RBFOX1: variants seen among roughly 807,000 people sequenced by gnomAD.
The protein encoded by RBFOX1 is RNA binding protein fox-1 homolog 1.
In RBFOX1, 8 loss-of-function variants were observed where a neutral mutation model predicts 57.7. The ratio of observed to expected loss-of-function variants is 0.14; its 90% CI spans 0.08 to 0.25. The LOEUF (loss-of-function observed/expected upper bound fraction) is 0.25, where lower values mean the gene tolerates loss of function less well. Ranked by LOEUF, RBFOX1 falls within the 10% of genes least tolerant of loss-of-function variation. The probability of loss-of-function intolerance (pLI) is 1.00; values close to 1 mark genes in which losing one functional copy is unlikely to be tolerated. For synonymous variants in RBFOX1, 326 were observed against 222.4 expected, an observed-to-expected ratio of 1.47 and a Z score of -4.15; for missense variants, 611 against 548.5, an observed-to-expected ratio of 1.11 and a Z score of -1.14.
intron 4 of RBFOX1, among the ~76,000 whole-genome samples, chr16:7,277,997 C>T (rs2095473202): frequency 6.6e-6 from 1 of 150,540 alleles, no homozygotes; most frequent in African/African-American, 2.4e-5. Context: ...TGAAAAGAGG[C>T]AAGAATTCTG....
intron 1 of RBFOX1, among the ~76,000 whole-genome samples, chr16:6,104,775 C>T (rs1347385338): frequency 6.6e-6 from 1 of 152,114 alleles, no homozygotes; most frequent in African/African-American, 2.4e-5. Context: ...GAAGCTACAC[C>T]ACATAGATGA....
chr16:7,355,604 G>C (rs1397464340), intron 4 of RBFOX1, among the ~76,000 whole-genome samples: 2 of 152,038 alleles, frequency 1.3e-5, no homozygotes, highest in Non-Finnish European at 2.9e-5. Flanking sequence ...AGCATGTTTT[G>C]GCCATCTCCC....
chr16:5,279,836 TC>T (rs1219225954), intron 1 of RBFOX1, among the ~76,000 whole-genome samples: 1 of 152,000 alleles, frequency 6.6e-6, no homozygotes, highest in Non-Finnish European at 1.5e-5. Flanking sequence ...TTTGGTGGAG[TC>T]TTTGGGTTTT....
chr16:6,929,351 C>G (rs1449804369), intron 3 of RBFOX1, among the ~76,000 whole-genome samples: 6 of 152,096 alleles, frequency 3.9e-5, no homozygotes, highest in Non-Finnish European at 8.8e-5. Flanking sequence ...TGAATATAGG[C>G]AAGGTTAGAA....
chr16:5,891,501 C>T (rs369515281), intron 4 of RBFOX1, among the ~76,000 whole-genome samples: 2 of 152,188 alleles, frequency 1.3e-5, no homozygotes, highest in South Asian at 4.1e-4. Context: ...TTGTTTCAGT[C>T]AGAGTATTTG....
intron 3 of RBFOX1, among the ~76,000 whole-genome samples, chr16:5,666,235 A>C (rs907456819): frequency 2.0e-5 from 3 of 152,228 alleles, no homozygotes; most frequent in Non-Finnish European, 4.4e-5. Flanking sequence ...CATCTGGTCC[A>C]GTTCCCAGTG....
chr16:6,140,646 C>T (rs545163257), intron 1 of RBFOX1, among the ~76,000 whole-genome samples: 1 of 152,296 alleles, frequency 6.6e-6, no homozygotes, highest in South Asian at 2.1e-4. Flanking sequence ...ATCCCAACTC[C>T]TTCCCTCCTG....
At chr16:6,515,113 A>G (rs892292649) in intron 2 of RBFOX1, among the ~76,000 whole-genome samples, 1 of 152,186 alleles carries the variant, frequency 6.6e-6, no homozygotes, top group East Asian at 1.9e-4. Context: ...AAATGGGTGT[A>G]TATTACAGGT....
intron 3 of RBFOX1, among the ~76,000 whole-genome samples, chr16:5,668,916 ACTCAGG>A (rs1359704705): frequency 1.9e-4 from 29 of 152,158 alleles, no homozygotes; most frequent in Admixed American, 1.0e-3. Flanking sequence ...GGAGATGGAT[ACTCAGG>A]CTTTGGTTAG....
At chr16:7,166,198 G>T (rs1418562637) in intron 4 of RBFOX1, among the ~76,000 whole-genome samples, 3 of 152,054 alleles carry the variant, frequency 2.0e-5, no homozygotes, top group African/African-American at 7.2e-5. Context: ...ATTGTCAGTG[G>T]AGATGGGGTT....
At chr16:5,683,034 G>A (rs1305044015) in intron 3 of RBFOX1, among the ~76,000 whole-genome samples, 1 of 152,046 alleles carries the variant, frequency 6.6e-6, no homozygotes, top group Non-Finnish European at 1.5e-5. Context: ...GAGAATCAGA[G>A]TGTCCACCTT....
intron 4 of RBFOX1, among the ~76,000 whole-genome samples, chr16:5,940,572 A>C (rs2059258977): frequency 6.6e-6 from 1 of 152,174 alleles, no homozygotes. Context: ...GGGAAATTAT[A>C]ATTCTTTAAA....
intron 2 of RBFOX1, among the ~76,000 whole-genome samples, chr16:6,470,596 G>T (rs1007717201): frequency 6.6e-6 from 1 of 152,114 alleles, no homozygotes; most frequent in Admixed American, 6.5e-5. Context: ...CTATCCAGTT[G>T]CCTCTTGTGT....
At chr16:5,935,682 G>C (rs2059154183) in intron 4 of RBFOX1, among the ~76,000 whole-genome samples, 1 of 152,224 alleles carries the variant, frequency 6.6e-6, no homozygotes, top group Non-Finnish European at 1.5e-5. Flanking sequence ...TCCAGAGTCA[G>C]CAAGGTCTCA....
intron 3 of RBFOX1, among the ~76,000 whole-genome samples, chr16:5,803,757 C>T (rs1222708165): frequency 2.0e-5 from 3 of 152,096 alleles, no homozygotes; most frequent in Non-Finnish European, 2.9e-5. Flanking sequence ...CCTTCTTGAT[C>T]CCCTTTCTAT....
At chr16:6,330,219 A>G (rs2152805451) in intron 2 of RBFOX1, among the ~76,000 whole-genome samples, 1 of 152,332 alleles carries the variant, frequency 6.6e-6, no homozygotes, top group East Asian at 1.9e-4. Flanking sequence ...CTAAAGTTCA[A>G]AAATACCTTA....
chr16:5,800,660 A>G (rs1022391937), intron 3 of RBFOX1, among the ~76,000 whole-genome samples: 2 of 152,156 alleles, frequency 1.3e-5, no homozygotes, highest in Non-Finnish European at 2.9e-5. Flanking sequence ...TCACGGTGAC[A>G]CTGGGGATAA....
chr16:6,854,289 G>T (rs1217590033), intron 3 of RBFOX1, among the ~76,000 whole-genome samples: 2 of 152,146 alleles, frequency 1.3e-5, no homozygotes, highest in African/African-American at 2.4e-5. Context: ...AAGGAAAGAT[G>T]GAGGATCAAT....
At chr16:7,255,565 T>C (rs2094644144) in intron 4 of RBFOX1, among the ~76,000 whole-genome samples, 1 of 152,208 alleles carries the variant, frequency 6.6e-6, no homozygotes, top group Non-Finnish European at 1.5e-5. Flanking sequence ...ACATTATCTA[T>C]TTTTAAAGCA....
Sources: allele counts gnomAD v4.1 joint callset (sites outside exome capture counted in the v4.1 genomes callset), GRCh38; gene constraint gnomAD v4.1.1; transcripts MANE v1.5; gene names NCBI Gene and HGNC (gene_info 2026-07-23, HGNC 2026-07-21).